The following PAX7 variants were observed in gnomAD, a reference collection of about 807,000 sequenced individuals.
PAX7 encodes paired box 7, also known as paired box protein Pax-7.
PAX7 carries 18 observed loss-of-function variants against 50.7 expected under a neutral mutation model. The ratio of observed to expected loss-of-function variants is 0.36; its 90% CI spans 0.25 to 0.53. The LOEUF (loss-of-function observed/expected upper bound fraction) is 0.53, where lower values mean the gene tolerates loss of function less well. Ranked by LOEUF, PAX7 falls within the 20% of genes least tolerant of loss-of-function variation. The pLI is 0.93. For missense variants in PAX7, 644 were observed against 702.9 expected (o/e 0.92, Z 0.95); for synonymous variants, 310 against 290.4 (o/e 1.07, Z -0.69).
At chr1:18,711,035 G>A (rs1258943797) in intron 7 of PAX7, among the ~76,000 whole-genome samples, 1 of 152,126 alleles carries the variant, frequency 6.6e-6, no homozygotes, top group South Asian at 2.1e-4. Flanking sequence ...CCTGCTGCCC[G>A]CTTCCTCCCT....
At chr1:18,686,149 C>T (rs1291511809) in intron 4 of PAX7, among the ~76,000 whole-genome samples, 1 of 152,180 alleles carries the variant, frequency 6.6e-6, no homozygotes, top group Non-Finnish European at 1.5e-5. Context: ...CTGGAAAATC[C>T]CCAGGACAAG....
intron 8 of PAX7, among the ~76,000 whole-genome samples, chr1:18,743,566 C>A (rs1192301196): frequency 1.3e-5 from 2 of 152,244 alleles, no homozygotes; most frequent in Non-Finnish European, 2.9e-5. Flanking sequence ...GCTTCTGGAT[C>A]CTACAAATCC....
At chr1:18,728,459 A>C (rs1267001513) in intron 7 of PAX7, among the ~76,000 whole-genome samples, 1 of 151,876 alleles carries the variant, frequency 6.6e-6, no homozygotes, top group Non-Finnish European at 1.5e-5. Flanking sequence ...CGCCTGTATG[A>C]GTATGGATGT....
In PAX7 at chr1:18,735,732, T is replaced by C; in HGVS notation, c.1256T>C (p.Ile419Thr). The C allele has an allele frequency of 1.2e-6, 2 of 1,613,956 alleles. No homozygotes were observed. The highest frequency in any genetic ancestry group is 1.7e-6 in the Non-Finnish European group (2 of 1,179,966). The stretch of plus-strand genomic sequence containing the variant: ...GGCGGCCTGGACTCGGCCACCTCCA[T>C]CTCAGCCAGCTGCAGCCAGCGGGCC... Reference protein sequence around the residue: ...LHGGLDSATSISASCSQRADS... With the variant: ...LHGGLDSATSTSASCSQRADS... Residue 419 changes from isoleucine to threonine, a missense_variant, in exon 8 of 9, where the codon ATC becomes ACC. By Grantham distance (89) the Ile-to-Thr change is moderately conservative. Transcript: ENST00000420770. The surrounding 1 kb of genome is among the most constrained non-coding windows in gnomAD (Gnocchi z 4.0).
chr1:18,696,125 G>A (rs1165945656), intron 5 of PAX7, among the ~76,000 whole-genome samples: 2 of 149,654 alleles, frequency 1.3e-5, no homozygotes, highest in African/African-American at 2.5e-5. Flanking sequence ...GAGTGCAATG[G>A]CGCAGTCTCA....
In PAX7 at chr1:18,747,738, G is replaced by C. The variant is rs1487842599; in HGVS notation, c.*2809G>C. 2 of 200,662 alleles carry C rather than the reference G, an allele frequency of 1.0e-5. No individual in the cohort carries two copies. The highest frequency in any genetic ancestry group is 1.2e-4 in the Admixed American group (2 of 16,566). The allele number at this position is 200,662 out of a possible 1,614,324, so 12.4% of individuals were successfully genotyped here. A position where few individuals can be genotyped will look rare whatever the true frequency, so the allele number is the denominator to read the frequency against. ...CTCTCTAAGGAGGGCTCTCTTCTGA[G>C]TTCATTGTACAATAGTTGGAAACGT... On this transcript the variant is annotated 3_prime_UTR_variant, in exon 9 of 9. Transcript: ENST00000420770.
intron 7 of PAX7, among the ~76,000 whole-genome samples, chr1:18,725,161 C>T (rs989900814): frequency 3.3e-5 from 5 of 152,194 alleles, no homozygotes; most frequent in Admixed American, 3.3e-4. Flanking sequence ...CGGGCCTGAG[C>T]TATCACGGCC....
chr1:18,661,221 C>G (rs1221763635), intron 4 of PAX7, among the ~76,000 whole-genome samples: 1 of 152,122 alleles, frequency 6.6e-6, no homozygotes, highest in Non-Finnish European at 1.5e-5. Context: ...AAACAGATAT[C>G]CCTCCCTTCA....
intron 4 of PAX7, among the ~76,000 whole-genome samples, chr1:18,691,017 T>A (rs1171655500): frequency 6.6e-6 from 1 of 152,166 alleles, no homozygotes; most frequent in Non-Finnish European, 1.5e-5. Context: ...TCTTGCTCTG[T>A]TGTCCAGGCT....
chr1:18,731,065 C>G (rs957022745), intron 7 of PAX7, among the ~76,000 whole-genome samples: 1 of 152,120 alleles, frequency 6.6e-6, no homozygotes, highest in Non-Finnish European at 1.5e-5. Flanking sequence ...GTAACGGTAA[C>G]CTACCAAGAA....
At chr1:18,744,677 GATGGATGGATAA>G (rs1461122394) in intron 8 of PAX7, 125 bp from the exon 9 acceptor site, 505 of 611,652 alleles carry the variant, frequency 8.3e-4, no homozygotes, top group Non-Finnish European at 1.4e-3. Flanking sequence ...TGGATGGATG[GATGGATGGATAA>G]ATGGATGGAT....
chr1:18,744,693 G>GATGGATGGATGGATAGATAA, intron 8 of PAX7, 121 bp from the exon 9 acceptor site: 1 of 331,692 alleles, frequency 3.0e-6, no homozygotes, highest in African/African-American at 4.9e-5. Context: ...TGGATAAATG[G>GATGGATGGATGGATAGATAA]ATGGATGGAT....
In PAX7 at chr1:18,703,292, C is replaced by G; in HGVS notation, c.1151C>G (p.Pro384Arg). 7 of 1,613,842 alleles carry G rather than the reference C, an allele frequency of 4.3e-6. No individual in the cohort carries two copies. Among genetic ancestry groups the G allele is most frequent in the Non-Finnish European group, 5.9e-6 (7 of 1,179,956 alleles). ...AACCCGGTCAGCAACGGCCTGTCTC[C>G]TCAGGTAGGTGGTCTCAGCCCAGCA... is the stretch of plus-strand genomic sequence containing the variant. ...HMNPVSNGLS[P>R]QVMSILGNPS... Residue 384 changes from proline (P) to arginine (R), a missense_variant, in exon 7 of 9, where the codon CCT becomes CGT. Coordinates refer to ENST00000420770, the MANE Select transcript of PAX7 (RefSeq NM_001135254.2).
At chr1:18,664,940 A>G (rs1188726229) in intron 4 of PAX7, among the ~76,000 whole-genome samples, 1 of 152,104 alleles carries the variant, frequency 6.6e-6, no homozygotes, top group Admixed American at 6.5e-5. Flanking sequence ...CAGTGATTCT[A>G]AACCTGGCAG....
chr1:18,721,197 G>T (rs2089488488), intron 7 of PAX7, among the ~76,000 whole-genome samples: 1 of 152,124 alleles, frequency 6.6e-6, no homozygotes, highest in African/African-American at 2.4e-5. Context: ...CAGATGCCCT[G>T]GCCTCCCAGT....
chr1:18,669,618 A>T (rs2088714420), intron 4 of PAX7, among the ~76,000 whole-genome samples: 1 of 152,196 alleles, frequency 6.6e-6, no homozygotes, highest in Non-Finnish European at 1.5e-5. Context: ...AGGATGTCTC[A>T]GACATTGGAG....
intron 4 of PAX7, among the ~76,000 whole-genome samples, chr1:18,644,395 AAG>A (rs910465732): frequency 6.6e-6 from 1 of 152,234 alleles, no homozygotes; most frequent in Admixed American, 6.5e-5. Context: ...TCCATGAAAA[AAG>A]AGAATTAGCT....
In PAX7 at chr1:18,703,156, C is replaced by T; in HGVS notation, c.1015C>T (p.Leu339=). ...ACCGTCCACCATGCACCAGGGCGGG[C>T]TGGCTGCAGCGGCTGCAGCCGCCGA... The part of the protein sequence containing the change: ...LPPSTMHQGG[L]AAAAAAADTS... The change falls in exon 7 of 9, where the codon CTG becomes TTG. Residue 339 remains leucine, a synonymous_variant. Transcript: ENST00000420770. 4 of 1,613,102 alleles carry T rather than the reference C, an allele frequency of 2.5e-6. No individual in the cohort carries two copies. The highest frequency in any genetic ancestry group is 3.4e-6 in the Non-Finnish European group (4 of 1,179,814).
chr1:18,742,896 G>GC (rs764510253), intron 8 of PAX7, among the ~76,000 whole-genome samples: 9 of 152,196 alleles, frequency 5.9e-5, no homozygotes, highest in Non-Finnish European at 8.8e-5. Flanking sequence ...CCTGATAGCA[G>GC]CAGCCCTGGA....
Sources: gnomAD v4.1 joint callset for allele counts (sites outside exome capture counted in the v4.1 genomes callset) on GRCh38, gnomAD v4.1.1 for gene constraint, Gnocchi (gnomAD v3.1) non-coding constraint, MANE v1.5 for transcripts, NCBI Gene and HGNC (gene_info 2026-07-23, HGNC 2026-07-21) for gene names.